WDR17: variants seen among roughly 807,000 people sequenced by gnomAD.
WDR17 encodes WD repeat domain 17.
Under a neutral mutation model 161.7 loss-of-function variants are expected in WDR17, and 143 were observed. That is an observed-to-expected ratio of 0.88 (90% CI 0.77 to 1.02). The LOEUF (loss-of-function observed/expected upper bound fraction) is 1.02, where lower values mean the gene tolerates loss of function less well. Among genes scored for constraint, WDR17 ranks in the 50% least tolerant of loss-of-function variants. WDR17 has a pLI of 0.00. For synonymous variants in WDR17, 517 were observed against 515.6 expected, an observed-to-expected ratio of 1.00 and a Z score of -0.04; for missense variants, 1,469 against 1,520.9, an observed-to-expected ratio of 0.97 and a Z score of 0.57.
At chr4:176,168,881 T>C in intron 23 of WDR17, 98 bp downstream of exon 23, 2 of 1,397,420 alleles carry the variant, frequency 1.4e-6, no homozygotes, top group South Asian at 2.9e-5. Flanking sequence ...GAGAAACAAA[T>C]GTGTGGTCCC....
chr4:176,109,538 A>G (rs780170863), intron 1 of WDR17, among the ~76,000 whole-genome samples: 23 of 152,168 alleles, frequency 1.5e-4, no homozygotes, highest in Middle Eastern at 6.3e-3. Context: ...AAGGGGATTT[A>G]ATGAGATGAA....
At position 176,153,828 on chromosome 4, in the gene WDR17, G is replaced by A. The variant is rs1224236927; in HGVS notation, c.2460+1861G>A. 2.6e-5 allele frequency among the ~76,000 whole-genome samples: 4 copies of A among 152,166 alleles called. No homozygotes were observed. The South Asian group carries it at 6.2e-4, about 24-fold the overall frequency. ...ACTGCTTGACCCCAAATAATAACAT[G>A]TGCCATTTTAAAATGTTATCAAAAA... On this transcript the variant is annotated intron_variant, in intron 17 of 28. Coordinates refer to ENST00000508596, the MANE Select transcript of WDR17 (RefSeq NM_181265.4).
At chr4:176,071,965 A>G (rs1420050841) in intron 1 of WDR17, among the ~76,000 whole-genome samples, 1 of 152,206 alleles carries the variant, frequency 6.6e-6, no homozygotes, top group Non-Finnish European at 1.5e-5. Flanking sequence ...TTTGTTGACC[A>G]AGATGGAATT....
intron 1 of WDR17, among the ~76,000 whole-genome samples, chr4:176,072,913 T>G (rs6848995): frequency 0.52 from 79,353 of 151,790 alleles, 22,147 homozygotes; most frequent in South Asian, 0.63. Context: ...ATAGACATTT[T>G]TAGGTACTTT....
At chr4:176,145,954 CAT>C in intron 11 of WDR17, 39 bp from the exon 12 acceptor site, 2 of 1,546,612 alleles carry the variant, frequency 1.3e-6, no homozygotes, top group Non-Finnish European at 1.8e-6. Context: ...AGTTATATAT[CAT>C]ATTTATCCTA....
At chr4:176,144,225 T>C (rs1203713260) in intron 11 of WDR17, among the ~76,000 whole-genome samples, 1 of 152,206 alleles carries the variant, frequency 6.6e-6, no homozygotes, top group Admixed American at 6.5e-5. Flanking sequence ...AAGTATTCCT[T>C]GACCCCCATA....
rs764935859 is a variant in WDR17 at position 176,128,730 on chromosome 4, C to T, written c.791-8C>T. 5.6e-6 allele frequency: 9 copies of T among 1,597,624 alleles called. No homozygotes were observed. In the Admixed American group the frequency reaches 1.6e-4, roughly 29 times the overall value. The stretch of plus-strand genomic sequence containing the variant: ...TGTTAAAATGTGCTTTTTCCCTGAT[C>T]TGACTAGATTCTCAAGTGGGTGTTT... On this transcript the variant is annotated splice_region_variant and splice_polypyrimidine_tract_variant and intron_variant, in intron 5 of 28. Coordinates refer to ENST00000508596, the MANE Select transcript of WDR17 (RefSeq NM_181265.4).
rs1252675935 is a variant in WDR17, at chr4:176,137,514, C to T, written c.1268-6C>T. The T allele has an allele frequency of 3.1e-5, 49 of 1,600,306 alleles. No homozygotes were observed. Among genetic ancestry groups the T allele is most frequent in the Non-Finnish European group, 4.1e-5 (48 of 1,171,244 alleles). Reference sequence around the variant, plus strand: ...TAGTATAATGTCTAACAAATTGTTTCCTAAGGTGGTTTAAATTGTATTGCT... The same window carrying T: ...TAGTATAATGTCTAACAAATTGTTTTCTAAGGTGGTTTAAATTGTATTGCT... On this transcript the variant is annotated splice_region_variant and splice_polypyrimidine_tract_variant and intron_variant, in intron 8 of 28. Coordinates refer to ENST00000508596, the MANE Select transcript of WDR17 (RefSeq NM_181265.4).
At chr4:176,136,239 T>C (rs1319967979) in intron 8 of WDR17, among the ~76,000 whole-genome samples, 1 of 151,630 alleles carries the variant, frequency 6.6e-6, no homozygotes, top group Non-Finnish European at 1.5e-5. Context: ...TTAATGACAA[T>C]GTTTGTCCTT....
At chr4:176,108,762 AC>A (rs1739228018) in intron 1 of WDR17, among the ~76,000 whole-genome samples, 1 of 152,116 alleles carries the variant, frequency 6.6e-6, no homozygotes, top group Non-Finnish European at 1.5e-5. Context: ...TGTGTAAAAA[AC>A]ATTACCAGAA....
chr4:176,151,844 G>A lies in WDR17; in HGVS notation c.2337G>A (p.Met779Ile). Residue 779 changes from methionine (M) to isoleucine (I), a missense_variant, in exon 17 of 29, where the codon ATG becomes ATA. By Grantham distance (10) the Met-to-Ile change is conservative. Transcript: ENST00000508596. ...SEAQELTTVK[M>I]SKFGGGIGVP... ...CTCAAGAACTAACAACAGTCAAGAT[G>A]TCTAAATTTGGTGGTGGTATTGGTG... The A allele has an allele frequency of 6.2e-7, 1 of 1,604,914 alleles. No homozygotes were observed. The highest frequency in any genetic ancestry group is 8.5e-7 in the Non-Finnish European group (1 of 1,177,144).
At chr4:176,118,173 G>T (rs1304523568) in intron 3 of WDR17, among the ~76,000 whole-genome samples, 4 of 152,114 alleles carry the variant, frequency 2.6e-5, no homozygotes, top group African/African-American at 4.8e-5. Context: ...AGTGTTGGGA[G>T]AATTAAATTG....
At chr4:176,112,500 T>C (rs988117464) in intron 2 of WDR17, among the ~76,000 whole-genome samples, 1 of 152,218 alleles carries the variant, frequency 6.6e-6, no homozygotes, top group African/African-American at 2.4e-5. Context: ...TGCCTCTCTC[T>C]TACTCTGTGT....
At chr4:176,086,798 A>G (rs574403240) in intron 1 of WDR17, among the ~76,000 whole-genome samples, 11 of 151,754 alleles carry the variant, frequency 7.2e-5, no homozygotes, top group Admixed American at 5.9e-4. Context: ...TTTTATTTAT[A>G]TATACAAACT....
At chr4:176,116,018 AT>A (rs770175844) in intron 3 of WDR17, 39 bp downstream of exon 3, 35 of 1,544,920 alleles carry the variant, frequency 2.3e-5, no homozygotes, top group Non-Finnish European at 2.8e-5. Context: ...GGAATAAAAT[AT>A]TTTTATTTCA....
chr4:176,142,861 A>C (rs905872912), intron 11 of WDR17, among the ~76,000 whole-genome samples: 14 of 152,158 alleles, frequency 9.2e-5, no homozygotes, highest in African/African-American at 2.9e-4. Context: ...AGTGCAGAAG[A>C]ATGTGTAAAA....
chr4:176,077,137 A>T (rs1209546367), intron 1 of WDR17, among the ~76,000 whole-genome samples: 1 of 148,278 alleles, frequency 6.7e-6, no homozygotes, highest in Non-Finnish European at 1.5e-5. Context: ...CTACTGTCTT[A>T]TCTCACTTTT....
chr4:176,150,564 C>T lies in WDR17; in HGVS notation c.2275C>T (p.His759Tyr). ...TCAGAACTACTGCAAAGGAATAATG[C>T]ACTTGAAACATCTGATTAAATTTAG... is the stretch of plus-strand genomic sequence containing the variant. ...LPQNYCKGIMHLKHLIKFRTS... is the reference protein window; with the variant it reads ...LPQNYCKGIMYLKHLIKFRTS... The change falls in exon 16 of 29, where the codon CAC (histidine) becomes TAC (tyrosine). Residue 759 changes from histidine (H) to tyrosine (Y), a missense_variant. By Grantham distance (83) the His-to-Tyr change is moderately conservative (BLOSUM62 2). Coordinates refer to ENST00000508596, the MANE Select transcript of WDR17 (RefSeq NM_181265.4). The T allele has an allele frequency of 6.2e-7, 1 of 1,606,762 alleles. No homozygotes were observed. The highest frequency in any genetic ancestry group is 8.5e-7 in the Non-Finnish European group (1 of 1,177,570).
chr4:176,130,605 C>A (rs529916994), intron 6 of WDR17, among the ~76,000 whole-genome samples: 1 of 151,806 alleles, frequency 6.6e-6, no homozygotes, highest in Non-Finnish European at 1.5e-5. Context: ...ATTAGCCGGG[C>A]GTGGTGGCAG....
Sources: allele counts gnomAD v4.1 joint callset (sites outside exome capture counted in the v4.1 genomes callset), GRCh38; gene constraint gnomAD v4.1.1; transcripts MANE v1.5; gene names NCBI Gene and HGNC (gene_info 2026-07-23, HGNC 2026-07-21).